Variants in CDH12 observed in about 807,000 individuals in gnomAD.
CDH12 encodes cadherin-12.
CDH12 carries 41 observed loss-of-function variants against 74.1 expected under a neutral mutation model. The observed-to-expected ratio is 0.55, with a 90% CI of 0.43 to 0.72. The LOEUF (loss-of-function observed/expected upper bound fraction) is 0.72. Among genes scored for constraint, CDH12 ranks in the 30% least tolerant of loss-of-function variants. CDH12 has a pLI of 0.00. For synonymous variants in CDH12, 399 were observed against 355.0 expected, an observed-to-expected ratio of 1.12 and a Z score of -1.39; for missense variants, 945 against 977.2, an observed-to-expected ratio of 0.97 and a Z score of 0.44.
intron 1 of CDH12, among the ~76,000 whole-genome samples, chr5:22,724,648 G>C (rs1030981338): frequency 2.0e-5 from 3 of 151,818 alleles, no homozygotes; most frequent in Non-Finnish European, 4.4e-5. Flanking sequence ...AGGCACTTAG[G>C]TTGGTTCCAT....
chr5:21,791,293 T>C (rs373648088), intron 10 of CDH12, among the ~76,000 whole-genome samples: 3 of 152,032 alleles, frequency 2.0e-5, no homozygotes, highest in Admixed American at 1.3e-4. Context: ...AGACCATCAA[T>C]GAACTTGCAA....
chr5:22,032,687 G>A (rs1433007619), intron 5 of CDH12, among the ~76,000 whole-genome samples: 1 of 145,204 alleles, frequency 6.9e-6, no homozygotes, highest in East Asian at 2.0e-4. Context: ...CAGCCTGGGC[G>A]ATAGAGTGAG....
At chr5:22,497,477 T>C (rs1451507244) in intron 2 of CDH12, among the ~76,000 whole-genome samples, 1 of 152,014 alleles carries the variant, frequency 6.6e-6, no homozygotes, top group Non-Finnish European at 1.5e-5. Flanking sequence ...CCTAGTATCA[T>C]TGCTCACCAG....
intron 6 of CDH12, among the ~76,000 whole-genome samples, chr5:21,919,095 C>T (rs1754236618): frequency 6.6e-6 from 1 of 152,088 alleles, no homozygotes; most frequent in Admixed American, 6.6e-5. Context: ...GATATAAATA[C>T]AGATGGACTG....
Position 21,926,054 on chromosome 5 carries a change from C to A in CDH12, c.526+49037G>T, listed in dbSNP as rs139160411. Among the ~76,000 whole-genome samples the A allele has an allele frequency of 1.8e-4, 27 of 152,032 alleles. No homozygotes were observed. In the East Asian group the frequency reaches 4.1e-3, roughly 23 times the overall value. Reference sequence around the variant, plus strand: ...GTCATCTTTCTTTAGATGTTAGAATCTTTCATCTCACTTGAAAGTTCAGAT... The same window carrying A: ...GTCATCTTTCTTTAGATGTTAGAATATTTCATCTCACTTGAAAGTTCAGAT... On this transcript the variant is annotated intron_variant, in intron 6 of 14. Coordinates refer to ENST00000382254, the MANE Select transcript of CDH12 (RefSeq NM_004061.5).
At chr5:21,757,117 T>G (rs1744442565) in intron 13 of CDH12, among the ~76,000 whole-genome samples, 1 of 152,186 alleles carries the variant, frequency 6.6e-6, no homozygotes, top group South Asian at 2.1e-4. Flanking sequence ...GATTTGGTAT[T>G]CTTGAACTCA....
intron 1 of CDH12, among the ~76,000 whole-genome samples, chr5:22,601,606 C>G (rs545157364): frequency 3.9e-5 from 6 of 152,062 alleles, no homozygotes; most frequent in African/African-American, 1.2e-4. Context: ...TTCCTTTCAT[C>G]TGAAAGGAAG....
At position 22,611,290 on chromosome 5, in the gene CDH12, C is replaced by G. The variant is rs116150371; in HGVS notation, c.-522-105926G>C. On this transcript the variant is annotated intron_variant, in intron 1 of 14. Transcript: ENST00000382254. ...CTTAAACTTCAGTCAATTGAAAAAC[C>G]ATTTATTTTGACAATTAAGTCATAG... Among the ~76,000 whole-genome samples the G allele has an allele frequency of 1.6e-3, 238 of 152,252 alleles. 2 individuals are homozygous for G. The highest frequency in any genetic ancestry group is 3.4e-3 in the Middle Eastern group (1 of 294).
chr5:21,994,809 T>A (rs758381352), intron 5 of CDH12, among the ~76,000 whole-genome samples: 1 of 152,132 alleles, frequency 6.6e-6, no homozygotes. Context: ...TAAAGATTTG[T>A]AAACACACCA....
At chr5:22,612,474 CTCTA>C (rs1737456889) in intron 1 of CDH12, among the ~76,000 whole-genome samples, 1 of 152,086 alleles carries the variant, frequency 6.6e-6, no homozygotes, top group Admixed American at 6.6e-5. Context: ...ACGGATGATT[CTCTA>C]TCTTTCTAAA....
rs981921281 is a variant in CDH12 at position 22,207,231 on chromosome 5, GA to G, written c.-187+5266del. ...AAGACTGTCTCAAAAAAAAAAAAAA[GA>G]AAAAAAAAAGAAAAAAAAATTCTAC... On this transcript the variant is annotated intron_variant, in intron 4 of 14. Coordinates refer to ENST00000382254, the MANE Select transcript of CDH12 (RefSeq NM_004061.5). 4.3e-4 allele frequency among the ~76,000 whole-genome samples: 48 copies of G among 111,416 alleles called. No individual in the cohort carries two copies. In the South Asian group the frequency reaches 0.01, roughly 24 times the overall value. The allele number at this position is 111,416 out of a possible 152,430, so 73.1% of individuals were successfully genotyped here.
rs763164921 is a variant in CDH12, at chr5:22,352,774, T to A, written c.-333+52483A>T. 1.6e-4 allele frequency among the ~76,000 whole-genome samples: 24 copies of A among 152,264 alleles called. No individual in the cohort carries two copies. The South Asian group carries it at 2.3e-3, about 14-fold the overall frequency. On this transcript the variant is annotated intron_variant, in intron 3 of 14. Transcript: ENST00000382254. ...CAGAACAATGCGAAACCCTCTGACA[T>A]ATGGACATTATACTGGAACTGGCAA...
At chr5:21,982,365 C>A (rs938823158) in intron 5 of CDH12, among the ~76,000 whole-genome samples, 30 of 152,026 alleles carry the variant, frequency 2.0e-4, no homozygotes, top group African/African-American at 6.5e-4. Flanking sequence ...CTACAGTTTG[C>A]CAACTGCATA....
intron 3 of CDH12, among the ~76,000 whole-genome samples, chr5:22,286,331 C>T (rs1332206023): frequency 2.0e-5 from 3 of 152,058 alleles, no homozygotes; most frequent in African/African-American, 4.8e-5. Flanking sequence ...TCAATTGGCT[C>T]GAAAAAATAT....
rs1455112494 is a variant in CDH12, at chr5:22,683,607, A to G, written c.-523+169451T>C. Reference sequence around the variant, plus strand: ...TTCTGCATTGAAAAAGCAATTTCTCAAACAAGTAAAAGCAAATTGAGCTAA... The same window carrying G: ...TTCTGCATTGAAAAAGCAATTTCTCGAACAAGTAAAAGCAAATTGAGCTAA... On this transcript the variant is annotated intron_variant, in intron 1 of 14. Coordinates refer to ENST00000382254, the MANE Select transcript of CDH12 (RefSeq NM_004061.5). Among the ~76,000 whole-genome samples, 3 of 152,188 alleles carry G rather than the reference A, an allele frequency of 2.0e-5. No individual in the cohort carries two copies. In the East Asian group the frequency reaches 5.8e-4, roughly 29 times the overall value.
intron 1 of CDH12, among the ~76,000 whole-genome samples, chr5:22,781,182 T>C (rs1454526217): frequency 6.6e-6 from 1 of 152,216 alleles, no homozygotes. Context: ...TTATTCAAAG[T>C]GCTGCACTCA....
intron 4 of CDH12, among the ~76,000 whole-genome samples, chr5:22,089,639 GAAGA>G (rs1321081235): frequency 6.6e-6 from 1 of 152,054 alleles, no homozygotes; most frequent in African/African-American, 2.4e-5. Flanking sequence ...TGATCTGGGA[GAAGA>G]AATAACCAAG....
At chr5:22,051,336 T>C (rs1740349262) in intron 5 of CDH12, among the ~76,000 whole-genome samples, 1 of 152,170 alleles carries the variant, frequency 6.6e-6, no homozygotes, top group Non-Finnish European at 1.5e-5. Context: ...TTCACCTAGA[T>C]TCCAAATAAT....
At chr5:22,485,179 CT>C (rs1250790427) in intron 2 of CDH12, among the ~76,000 whole-genome samples, 1 of 25,756 alleles carries the variant, frequency 3.9e-5, no homozygotes, top group African/African-American at 1.6e-4. Flanking sequence ...ACAAGCTTTT[CT>C]TTTCTTTTCT....
Sources: gnomAD v4.1 joint callset for allele counts (sites outside exome capture counted in the v4.1 genomes callset) on GRCh38, gnomAD v4.1.1 for gene constraint, MANE v1.5 for transcripts, NCBI Gene and HGNC (gene_info 2026-07-23, HGNC 2026-07-21) for gene names.